LAMA2: variants seen among roughly 807,000 people sequenced by gnomAD.
The protein encoded by LAMA2 is laminin subunit alpha 2, also known as laminin subunit alpha-2.
Under a neutral mutation model 364.8 loss-of-function variants are expected in LAMA2, and 269 were observed. The observed-to-expected ratio is 0.74, with a 90% CI of 0.67 to 0.82. LAMA2 has a LOEUF of 0.82. LAMA2 is among the 40% of genes least tolerant of loss of function. The pLI is 0.00. For missense variants in LAMA2, 3,807 were observed against 3,873.2 expected (o/e 0.98, Z 0.45); for synonymous variants, 1,379 against 1,370.6 (o/e 1.01, Z -0.14).
At chr6:129,368,900 A>C (rs1262026160) in intron 33 of LAMA2, among the ~76,000 whole-genome samples, 1 of 152,242 alleles carries the variant, frequency 6.6e-6, no homozygotes, top group South Asian at 2.1e-4. Flanking sequence ...GCCAAAGACC[A>C]TCAAGGACAC....
At chr6:129,066,267 G>A (rs1428157966) in intron 3 of LAMA2, among the ~76,000 whole-genome samples, 26 of 150,714 alleles carry the variant, frequency 1.7e-4, no homozygotes, top group African/African-American at 6.1e-4. Flanking sequence ...GGATGGTCTC[G>A]ATCTCCTGAC....
At chr6:129,511,093 A>G (rs879683286) in intron 62 of LAMA2, among the ~76,000 whole-genome samples, 9 of 152,084 alleles carry the variant, frequency 5.9e-5, no homozygotes, top group African/African-American at 1.7e-4. Flanking sequence ...AAAATTACTC[A>G]CTTCCTCTGT....
chr6:129,498,958 C>G (rs1038677613), intron 58 of LAMA2, among the ~76,000 whole-genome samples: 1 of 152,164 alleles, frequency 6.6e-6, no homozygotes, highest in South Asian at 2.1e-4. Flanking sequence ...GTTTTGGCCC[C>G]GTTACCAATT....
intron 32 of LAMA2, among the ~76,000 whole-genome samples, chr6:129,358,761 T>C (rs1312749903): frequency 6.6e-6 from 1 of 152,078 alleles, no homozygotes; most frequent in East Asian, 1.9e-4. Context: ...GGCATTGTTA[T>C]CATCATTGTT....
chr6:129,176,244 A>G (rs1780580130), intron 9 of LAMA2, among the ~76,000 whole-genome samples: 1 of 152,018 alleles, frequency 6.6e-6, no homozygotes, highest in South Asian at 2.1e-4. Flanking sequence ...TGAATTTTGC[A>G]TAAAATTCTC....
At chr6:128,947,342 T>G (rs1780543343) in intron 1 of LAMA2, among the ~76,000 whole-genome samples, 1 of 152,222 alleles carries the variant, frequency 6.6e-6, no homozygotes, top group East Asian at 1.9e-4. Context: ...AACTCTTTCA[T>G]GAAAATTAAT....
chr6:129,018,542 A>T (rs911079939), intron 1 of LAMA2, among the ~76,000 whole-genome samples: 6 of 151,882 alleles, frequency 4.0e-5, no homozygotes, highest in African/African-American at 1.4e-4. Flanking sequence ...TTTAAAAAAA[A>T]AAAAAAGCGA....
At chr6:128,945,535 G>C (rs539019118) in intron 1 of LAMA2, among the ~76,000 whole-genome samples, 103 of 152,334 alleles carry the variant, frequency 6.8e-4, no homozygotes, top group African/African-American at 2.5e-3. Context: ...TCAATAGCTT[G>C]AACTTAAATA....
At chr6:129,082,441 A>G (rs1774122475) in intron 3 of LAMA2, among the ~76,000 whole-genome samples, 1 of 152,270 alleles carries the variant, frequency 6.6e-6, no homozygotes, top group Non-Finnish European at 1.5e-5. Flanking sequence ...TCCAATAAAG[A>G]TATAACATGC....
Position 129,397,938 on chromosome 6 carries a change from G to GAA in LAMA2, c.5446-3262_5446-3261dup, listed in dbSNP as rs58131786. On this transcript the variant is annotated intron_variant, in intron 37 of 64. Transcript: ENST00000421865. ...GGCGACAGAGTGAGACTCCGTCTCAGAAAAAAAAAAAAAAAAAAAAAAAAA... is the reference window on the plus strand; with the variant it reads ...GGCGACAGAGTGAGACTCCGTCTCAGAAAAAAAAAAAAAAAAAAAAAAAAAAA... 2.2e-3 allele frequency among the ~76,000 whole-genome samples: 230 copies of GAA among 103,492 alleles called. 4 individuals carry two copies. The highest frequency in any genetic ancestry group is 8.1e-3 in the African/African-American group (199 of 24,714). 67.9% of individuals were successfully genotyped at this position (103,492 alleles called of 152,430 possible).
chr6:129,048,530 TTCCTTC>T (rs1562187938), intron 1 of LAMA2, among the ~76,000 whole-genome samples: 2 of 49,666 alleles, frequency 4.0e-5, no homozygotes, highest in African/African-American at 1.6e-4. Context: ...CCTTCCTTCC[TTCCTTC>T]CTTCCTTTCT....
chr6:129,154,705 A>C lies in LAMA2; in HGVS notation c.1206+22A>C, dbSNP rs748582062. Reference sequence around the variant, plus strand: ...AGGGGTAAAGTATGCTTTTTCTTTCATAAAGAGTTATTTTTTTGCTTTTTC... The same window carrying C: ...AGGGGTAAAGTATGCTTTTTCTTTCCTAAAGAGTTATTTTTTTGCTTTTTC... On this transcript the variant is annotated intron_variant, in intron 8 of 64. Transcript: ENST00000421865. 57 of 1,599,654 alleles carry C rather than the reference A, an allele frequency of 3.6e-5. 1 individual carries two copies. In the East Asian group the frequency reaches 1.2e-3, roughly 33 times the overall value.
chr6:129,078,199 A>G (rs563097405), intron 3 of LAMA2, among the ~76,000 whole-genome samples: 1 of 151,906 alleles, frequency 6.6e-6, no homozygotes, highest in East Asian at 1.9e-4. Context: ...CAGTGGCACA[A>G]TGTCGGCTCA....
At chr6:129,137,561 C>G (rs1420613115) in intron 4 of LAMA2, among the ~76,000 whole-genome samples, 1 of 151,518 alleles carries the variant, frequency 6.6e-6, no homozygotes, top group Non-Finnish European at 1.5e-5. Context: ...ATTTATTAGA[C>G]TAGAATAAAT....
At chr6:129,257,456 A>G (rs1438819835) in intron 14 of LAMA2, among the ~76,000 whole-genome samples, 46 of 152,056 alleles carry the variant, frequency 3.0e-4, no homozygotes, top group Non-Finnish European at 1.0e-4. Context: ...CACTGAAAAT[A>G]TTTTTGTTTT....
intron 12 of LAMA2, among the ~76,000 whole-genome samples, chr6:129,218,852 TA>T (rs3836995): frequency 0.059 from 8,960 of 152,230 alleles, 441 homozygotes; most frequent in African/African-American, 0.13. Context: ...TTTAATACTG[TA>T]ATCATTTTGA....
chr6:128,969,363 T>C (rs1045604614), intron 1 of LAMA2, among the ~76,000 whole-genome samples: 37 of 152,150 alleles, frequency 2.4e-4, no homozygotes, highest in Non-Finnish European at 2.2e-4. Context: ...TGAGAATAGA[T>C]TTTAGCTGTT....
chr6:129,059,085 G>A (rs2114794115), intron 2 of LAMA2, among the ~76,000 whole-genome samples: 1 of 152,314 alleles, frequency 6.6e-6, no homozygotes, highest in East Asian at 1.9e-4. Flanking sequence ...AAGAGGGCCA[G>A]AGGAAACTTT....
At position 129,393,094 on chromosome 6, in the gene LAMA2, C is replaced by T. The variant is rs746492572; in HGVS notation, c.5284C>T (p.Arg1762Trp). The change falls in exon 37 of 65, where the codon CGG becomes TGG. Residue 1762 changes from arginine (R) to tryptophan (W), a missense_variant. Arg to Trp is a moderately radical substitution (Grantham distance 101). Around this residue, in one of 3 missense-constraint regions of LAMA2, gnomAD observed 3,333 missense variants for 3,345.7 expected, o/e 1.00. Transcript: ENST00000421865. ...AGTGAAGAAGCTGTTTGGAGAGTCC[C>T]GGGGGGAAAATGAAGAAATGGAGAA... ...KKVKKLFGES[R>W]GENEEMEKDL... is the part of the protein sequence containing the mutation. The T allele has an allele frequency of 2.0e-5, 33 of 1,613,570 alleles. No individual in the cohort carries two copies. The highest frequency in any genetic ancestry group is 3.3e-5 in the Admixed American group (2 of 59,950).
Sources: gnomAD v4.1 joint callset for allele counts (sites outside exome capture counted in the v4.1 genomes callset) on GRCh38, gnomAD v4.1.1 for gene constraint, gnomAD v4.1.1 regional missense constraint, MANE v1.5 for transcripts, NCBI Gene and HGNC (gene_info 2026-07-23, HGNC 2026-07-21) for gene names.